C1orf21: variants seen among roughly 807,000 people sequenced by gnomAD.
C1orf21 encodes uncharacterized protein C1orf21.
C1orf21 carries 3 observed loss-of-function variants against 18.7 expected under a neutral mutation model. The ratio of observed to expected loss-of-function variants is 0.16; its 90% CI spans 0.07 to 0.42. C1orf21 has a LOEUF of 0.42. C1orf21 is among the 10% of genes least tolerant of loss of function. The probability of loss-of-function intolerance (pLI) is 0.99; values close to 1 mark genes in which losing one functional copy is unlikely to be tolerated. For missense variants in C1orf21, 104 were observed against 143.6 expected (o/e 0.72, Z 1.41); for synonymous variants, 41 against 46.4 (o/e 0.88, Z 0.47).
At chr1:184,445,126 C>T (rs1657008979) in intron 1 of C1orf21, among the ~76,000 whole-genome samples, 1 of 152,102 alleles carries the variant, frequency 6.6e-6, no homozygotes, top group Non-Finnish European at 1.5e-5. Context: ...TCATGAAAAA[C>T]TTAATATGTT....
chr1:184,445,339 C>T (rs1657011666), intron 1 of C1orf21, among the ~76,000 whole-genome samples: 1 of 125,032 alleles, frequency 8.0e-6, no homozygotes. Flanking sequence ...GCCCTTTTTT[C>T]AGACCTCTCT....
chr1:184,449,498 C>T (rs182959890), intron 1 of C1orf21, among the ~76,000 whole-genome samples: 479 of 152,100 alleles, frequency 3.1e-3, no homozygotes, highest in Non-Finnish European at 5.4e-3. Flanking sequence ...TGAATAGTGC[C>T]GCAATAAACA....
At chr1:184,481,915 C>A in intron 2 of C1orf21, among the ~76,000 whole-genome samples, 1 of 152,092 alleles carries the variant, frequency 6.6e-6, no homozygotes, top group East Asian at 1.9e-4. Context: ...TTAAATATGA[C>A]GAGTTAAGGT....
intron 2 of C1orf21, among the ~76,000 whole-genome samples, chr1:184,483,137 G>A (rs900389979): frequency 1.3e-4 from 20 of 152,310 alleles, no homozygotes; most frequent in South Asian, 8.3e-4. Context: ...CACTTCAGAA[G>A]GTTTCATCTT....
chr1:184,542,277 A>T (rs1345110491), intron 3 of C1orf21, among the ~76,000 whole-genome samples: 1 of 152,170 alleles, frequency 6.6e-6, no homozygotes, highest in African/African-American at 2.4e-5. Flanking sequence ...GCACAGTTCT[A>T]AGCACTTTAC....
chr1:184,583,851 G>A (rs1166639063), intron 3 of C1orf21, among the ~76,000 whole-genome samples: 1 of 152,158 alleles, frequency 6.6e-6, no homozygotes, highest in Non-Finnish European at 1.5e-5. Context: ...GTTGGTCTCG[G>A]TTTGTTTTAG....
At chr1:184,520,126 A>T (rs1658285554) in intron 3 of C1orf21, among the ~76,000 whole-genome samples, 1 of 152,248 alleles carries the variant, frequency 6.6e-6, no homozygotes, top group African/African-American at 2.4e-5. Context: ...GTATGATAAC[A>T]GATGCCAAAT....
chr1:184,509,066 T>A (rs1658107282), intron 3 of C1orf21, among the ~76,000 whole-genome samples: 1 of 152,186 alleles, frequency 6.6e-6, no homozygotes, highest in Admixed American at 6.5e-5. Flanking sequence ...ATAATAATAT[T>A]TACTGTAGAG....
At chr1:184,420,352 G>GT (rs1553248736) in intron 1 of C1orf21, among the ~76,000 whole-genome samples, 1 of 152,050 alleles carries the variant, frequency 6.6e-6, no homozygotes, top group Non-Finnish European at 1.5e-5. Flanking sequence ...GATTATTCAC[G>GT]TAAGACATGG....
intron 2 of C1orf21, among the ~76,000 whole-genome samples, chr1:184,479,512 G>T (rs965481473): frequency 6.6e-6 from 1 of 151,734 alleles, no homozygotes; most frequent in Non-Finnish European, 1.5e-5. Flanking sequence ...CTTGTCCGAG[G>T]TTACCCAGCT....
intron 3 of C1orf21, among the ~76,000 whole-genome samples, chr1:184,537,059 A>C (rs1658568586): frequency 6.6e-6 from 1 of 152,126 alleles, no homozygotes; most frequent in African/African-American, 2.4e-5. Flanking sequence ...GCAAGGGGGA[A>C]TTGAAAAGGC....
chr1:184,569,593 G>T (rs937495959), intron 3 of C1orf21, among the ~76,000 whole-genome samples: 55 of 152,174 alleles, frequency 3.6e-4, no homozygotes, highest in African/African-American at 1.3e-3. Context: ...GCAATGGCAG[G>T]TGCCTCTGGT....
intron 3 of C1orf21, among the ~76,000 whole-genome samples, chr1:184,576,552 A>G (rs1056667896): frequency 3.9e-5 from 6 of 152,202 alleles, no homozygotes; most frequent in African/African-American, 1.4e-4. Context: ...GCATTGCCCT[A>G]GCCAACTGAA....
chr1:184,406,508 G>C (rs770253379), intron 1 of C1orf21, among the ~76,000 whole-genome samples: 2 of 152,180 alleles, frequency 1.3e-5, no homozygotes, highest in Non-Finnish European at 2.9e-5. Flanking sequence ...ATAACTGGGA[G>C]GGGGAGGAAT....
At chr1:184,521,214 T>C (rs185142109) in intron 3 of C1orf21, among the ~76,000 whole-genome samples, 1 of 152,280 alleles carries the variant, frequency 6.6e-6, no homozygotes, top group Admixed American at 6.5e-5. Flanking sequence ...CTAAACAAAA[T>C]AGATCTGAAT....
At chr1:184,561,220 G>T (rs886937119) in intron 3 of C1orf21, among the ~76,000 whole-genome samples, 1 of 152,130 alleles carries the variant, frequency 6.6e-6, no homozygotes, top group Non-Finnish European at 1.5e-5. Context: ...TGCAGAGCTG[G>T]TTCTCTCACC....
intron 1 of C1orf21, among the ~76,000 whole-genome samples, chr1:184,437,653 A>G (rs1351704588): frequency 6.6e-6 from 1 of 152,168 alleles, no homozygotes; most frequent in Non-Finnish European, 1.5e-5. Flanking sequence ...TTTTGGCACC[A>G]GAGACCAGTT....
At chr1:184,566,728 TG>T in intron 3 of C1orf21, 1 of 389,070 alleles carries the variant, frequency 2.6e-6, no homozygotes. Context: ...CCAAGCCATC[TG>T]GGACTACCAG....
At chr1:184,416,781 T>C (rs1326686557) in intron 1 of C1orf21, among the ~76,000 whole-genome samples, 2 of 152,176 alleles carry the variant, frequency 1.3e-5, no homozygotes, top group Non-Finnish European at 2.9e-5. Context: ...GGACACAGAC[T>C]TCGGAGGCAG....
Sources: gnomAD v4.1 joint callset for allele counts (sites outside exome capture counted in the v4.1 genomes callset) on GRCh38, gnomAD v4.1.1 for gene constraint, MANE v1.5 for transcripts, NCBI Gene and HGNC (gene_info 2026-07-23, HGNC 2026-07-21) for gene names.